Variants in VPS13B observed in about 807,000 individuals in gnomAD.
VPS13B encodes the protein intermembrane lipid transfer protein VPS13B.
In VPS13B, 285 loss-of-function variants were observed where a neutral mutation model predicts 426.4. The ratio of observed to expected loss-of-function variants is 0.67; its 90% CI spans 0.61 to 0.74. The LOEUF (loss-of-function observed/expected upper bound fraction) is 0.74. Among genes scored for constraint, VPS13B ranks in the 30% least tolerant of loss-of-function variants. The pLI is 0.00. For synonymous variants in VPS13B, 1,676 were observed against 1,676.4 expected, an observed-to-expected ratio of 1.00 and a Z score of 0.01; for missense variants, 4,537 against 4,782.6, an observed-to-expected ratio of 0.95 and a Z score of 1.51.
intron 3 of VPS13B, among the ~76,000 whole-genome samples, chr8:99,061,179 A>AT (rs552202521): frequency 2.6e-4 from 40 of 151,256 alleles, no homozygotes; most frequent in Admixed American, 9.2e-4. Flanking sequence ...TGCAGCTTCC[A>AT]TTTTTTTGGC....
chr8:99,287,503 C>CT (rs1563648360), intron 19 of VPS13B, among the ~76,000 whole-genome samples: 2 of 151,850 alleles, frequency 1.3e-5, no homozygotes, highest in African/African-American at 4.8e-5. Flanking sequence ...ATTATTTAAA[C>CT]TATCAGAAGT....
chr8:99,615,296 G>A (rs975456355), intron 33 of VPS13B, among the ~76,000 whole-genome samples: 3 of 152,062 alleles, frequency 2.0e-5, no homozygotes, highest in Admixed American at 2.0e-4. Flanking sequence ...CCATAGAATG[G>A]TCAGAAAAGC....
chr8:99,841,248 G>C (rs780923090), intron 54 of VPS13B, among the ~76,000 whole-genome samples: 1 of 151,934 alleles, frequency 6.6e-6, no homozygotes, highest in Non-Finnish European at 1.5e-5. Flanking sequence ...TTTAGCTACT[G>C]CCTGTCACCC....
At chr8:99,829,509 C>T (rs1024706855) in intron 51 of VPS13B, among the ~76,000 whole-genome samples, 9 of 152,258 alleles carry the variant, frequency 5.9e-5, no homozygotes, top group Middle Eastern at 3.4e-3. Flanking sequence ...CCTTTTATCG[C>T]GGTTCTTAGC....
chr8:99,148,051 TG>T, intron 14 of VPS13B, 41 bp downstream of exon 14: 41 of 1,574,890 alleles, frequency 2.6e-5, no homozygotes, highest in Non-Finnish European at 3.5e-5. Flanking sequence ...CCCTCATATA[TG>T]GATTTTTTTT....
chr8:99,280,889 C>T (rs1184341998), intron 19 of VPS13B, among the ~76,000 whole-genome samples: 1 of 152,026 alleles, frequency 6.6e-6, no homozygotes, highest in East Asian at 1.9e-4. Flanking sequence ...TGGTATTCAT[C>T]CTCTTTAGTC....
chr8:99,587,354 G>A (rs888287803), intron 33 of VPS13B, among the ~76,000 whole-genome samples: 3 of 151,854 alleles, frequency 2.0e-5, no homozygotes, highest in Admixed American at 6.5e-5. Flanking sequence ...GGGATGGCTG[G>A]GTCAAATGGT....
chr8:99,121,651 C>T, intron 8 of VPS13B: 1 of 1,325,398 alleles, frequency 7.5e-7, no homozygotes, highest in Non-Finnish European at 9.8e-7. Context: ...AGGGCATTCT[C>T]CACATTTCTT....
At chr8:99,678,689 C>T (rs1305215610) in intron 35 of VPS13B, among the ~76,000 whole-genome samples, 1 of 152,064 alleles carries the variant, frequency 6.6e-6, no homozygotes, top group East Asian at 1.9e-4. Flanking sequence ...TCAATGCCTA[C>T]ATTTATTGGA....
chr8:99,609,151 C>T (rs1476610241), intron 33 of VPS13B, among the ~76,000 whole-genome samples: 1 of 152,096 alleles, frequency 6.6e-6, no homozygotes, highest in Non-Finnish European at 1.5e-5. Context: ...TGTTATAGTT[C>T]ATTGGTTTCT....
intron 16 of VPS13B, among the ~76,000 whole-genome samples, chr8:99,181,370 G>A (rs1302685215): frequency 1.3e-5 from 2 of 152,152 alleles, no homozygotes; most frequent in Non-Finnish European, 2.9e-5. Flanking sequence ...TGTTTGTGAT[G>A]GTGTTATGTG....
At chr8:99,612,351 C>T (rs1399705087) in intron 33 of VPS13B, among the ~76,000 whole-genome samples, 1 of 152,126 alleles carries the variant, frequency 6.6e-6, no homozygotes, top group Non-Finnish European at 1.5e-5. Flanking sequence ...ATTCTTGGTA[C>T]ACAAAAGTAC....
At chr8:99,311,463 C>A (rs1180867804) in intron 19 of VPS13B, among the ~76,000 whole-genome samples, 2 of 152,160 alleles carry the variant, frequency 1.3e-5, no homozygotes, top group African/African-American at 4.8e-5. Flanking sequence ...GTTCAGTTTC[C>A]ATGTAGTTGA....
chr8:99,035,997 ATTG>A (rs1563497230), intron 2 of VPS13B, among the ~76,000 whole-genome samples: 2 of 152,056 alleles, frequency 1.3e-5, no homozygotes, highest in Non-Finnish European at 1.5e-5. Flanking sequence ...AAATAGAATT[ATTG>A]TTATTTTGTT....
At chr8:99,136,234 A>G (rs1810062770) in intron 11 of VPS13B, among the ~76,000 whole-genome samples, 3 of 152,114 alleles carry the variant, frequency 2.0e-5, no homozygotes, top group Non-Finnish European at 2.9e-5. Context: ...TTGTTAAAAT[A>G]TTTAATGTTG....
intron 31 of VPS13B, among the ~76,000 whole-genome samples, chr8:99,558,588 T>C (rs1286613030): frequency 2.0e-5 from 3 of 151,870 alleles, no homozygotes; most frequent in Admixed American, 2.0e-4. Flanking sequence ...GGCCCCAGTA[T>C]GTGATGCTCC....
At chr8:99,244,364 G>A (rs1317689577) in intron 17 of VPS13B, among the ~76,000 whole-genome samples, 1 of 152,182 alleles carries the variant, frequency 6.6e-6, no homozygotes, top group Non-Finnish European at 1.5e-5. Context: ...GAACAGTCCA[G>A]TTTTTATAAG....
intron 17 of VPS13B, among the ~76,000 whole-genome samples, chr8:99,246,332 G>A (rs1408024298): frequency 2.6e-5 from 4 of 152,270 alleles, no homozygotes; most frequent in African/African-American, 9.6e-5. Context: ...ATCTAATGTG[G>A]ACCCATGGTT....
At chr8:99,764,130 C>T (rs1404029401) in intron 39 of VPS13B, among the ~76,000 whole-genome samples, 11 of 151,950 alleles carry the variant, frequency 7.2e-5, no homozygotes, top group Admixed American at 7.2e-4. Flanking sequence ...CCATTTCTGC[C>T]CTCAAGGATC....
Sources: allele counts gnomAD v4.1 joint callset (sites outside exome capture counted in the v4.1 genomes callset), GRCh38; gene constraint gnomAD v4.1.1; transcripts MANE v1.5; gene names NCBI Gene and HGNC (gene_info 2026-07-23, HGNC 2026-07-21).